Variants in RYR1 observed in about 807,000 individuals in gnomAD.
The protein encoded by RYR1 is ryanodine receptor 1.
A neutral mutation model predicts 583.5 loss-of-function variants in RYR1; 342 were observed. That is an observed-to-expected ratio of 0.59 (90% confidence interval 0.54 to 0.64). RYR1 has a LOEUF of 0.64. Ranked by LOEUF, RYR1 falls within the 30% of genes least tolerant of loss-of-function variation. The pLI, the probability that RYR1 is intolerant of heterozygous loss-of-function variation, is 0.00. For synonymous variants in RYR1, 2,791 were observed against 2,822.5 expected (o/e 0.99, Z 0.35); for missense variants, 6,032 against 6,917.2 (o/e 0.87, Z 4.54).
Position 38,535,996 on chromosome 19 carries a change from G to A in RYR1, c.11517-1G>A. The A allele has an allele frequency of 6.2e-7, 1 of 1,613,614 alleles. No homozygotes were observed. The highest frequency in any genetic ancestry group is 8.5e-7 in the Non-Finnish European group (1 of 1,179,894). ...CCCTATCTTTCCTTTCTTTTCCTCA[G>A]CGTCCTGGATCTCAATGCCTTTGAG... On this transcript the variant is annotated splice_acceptor_variant, in intron 81 of 105. Coordinates refer to ENST00000359596, the MANE Select transcript of RYR1 (RefSeq NM_000540.3). LOFTEE classifies it high-confidence loss of function.
chr19:38,474,324 G>T (rs948374454), intron 28 of RYR1, among the ~76,000 whole-genome samples: 1 of 151,204 alleles, frequency 6.6e-6, no homozygotes, highest in Non-Finnish European at 1.5e-5. Context: ...ATGCAATGGC[G>T]CAATCTCAGC....
At chr19:38,463,141 G>GCCCCCCCCC (rs34883994) in intron 20 of RYR1, among the ~76,000 whole-genome samples, 1 of 32,954 alleles carries the variant, frequency 3.0e-5, no homozygotes, top group Non-Finnish European at 4.7e-5. Context: ...CAGGCGATCT[G>GCCCCCCCCC]CCCCCCCCCC....
At chr19:38,463,661 G>T (rs1967913821) in intron 21 of RYR1, 86 bp from the exon 22 acceptor site, 6 of 1,480,030 alleles carry the variant, frequency 4.1e-6, no homozygotes, top group African/African-American at 1.4e-5. Context: ...GCAGAACTAG[G>T]GTTGGAGGTC....
chr19:38,486,349 T>G, intron 34 of RYR1, 147 bp downstream of exon 34: 7 of 1,108,216 alleles, frequency 6.3e-6, no homozygotes, highest in Non-Finnish European at 7.9e-6. Flanking sequence ...TTCTTTTTAT[T>G]ATTATTATTT....
chr19:38,512,342 C>T lies in RYR1; in HGVS notation c.9331C>T (p.Arg3111Trp). 2 of 1,614,198 alleles carry T rather than the reference C, an allele frequency of 1.2e-6. No homozygotes were observed. The highest frequency in any genetic ancestry group is 1.7e-6 in the Non-Finnish European group (2 of 1,180,042). The change falls in exon 63 of 106, where the codon CGG (arginine) becomes TGG (tryptophan). Residue 3111 changes from arginine (R) to tryptophan (W), a missense_variant. Physicochemically the swap from Arg to Trp is moderately radical, Grantham distance 101 (BLOSUM62 -3). Transcript: ENST00000359596. The surrounding 1 kb of genome is among the most constrained non-coding windows in gnomAD (Gnocchi z 5.1). ...CATCGAGAAGATGGTGGAGAACCTG[C>T]GGCTGGGCAAGGTGTCGCAGGCGCG... ...EDIEKMVENL[R>W]LGKVSQARTQ...
At chr19:38,524,137 A>T (rs1971357043) in intron 70 of RYR1, among the ~76,000 whole-genome samples, 1 of 101,228 alleles carries the variant, frequency 9.9e-6, no homozygotes, top group Admixed American at 1.3e-4. Flanking sequence ...TGGCAATTTG[A>T]CTTCTTTTCT....
rs184574895 is a variant in RYR1, at chr19:38,440,662, G to C, written c.46-83G>C. The C allele has an allele frequency of 3.1e-4, 469 of 1,530,292 alleles. 5 individuals carry two copies. The East Asian group carries it at 0.011, about 35-fold the overall frequency. 94.8% of individuals were successfully genotyped at this position (1,530,292 alleles called of 1,614,324 possible). On this transcript the variant is annotated intron_variant, in intron 1 of 105. Transcript: ENST00000359596. Reference sequence around the variant, plus strand: ...TCACTGTCTTTTTCATAAGGACCAGGGTGGGAGGAGGGGCCTGTGGTCTGC... The same window carrying C: ...TCACTGTCTTTTTCATAAGGACCAGCGTGGGAGGAGGGGCCTGTGGTCTGC...
chr19:38,460,367 T>C lies in RYR1; in HGVS notation c.2361-8T>C. The C allele has an allele frequency of 2.5e-6, 4 of 1,613,850 alleles. No individual in the cohort carries two copies. The highest frequency in any genetic ancestry group is 3.4e-6 in the Non-Finnish European group (4 of 1,179,734). On this transcript the variant is annotated splice_polypyrimidine_tract_variant and splice_region_variant and intron_variant, in intron 19 of 105. Coordinates refer to ENST00000359596, the MANE Select transcript of RYR1 (RefSeq NM_000540.3). ...CCTCAATGATCCCCATTGTCCTTCC[T>C]TACCCAGGGTGCGGTTCCTCCTTGG...
At position 38,566,952 on chromosome 19, in the gene RYR1, CGAGCCGGAACCA is replaced by C. The variant is rs753591948; in HGVS notation, c.13484_13495del (p.Pro4495_Glu4498del). On this transcript the variant is annotated inframe_deletion, in exon 92 of 106. Coordinates refer to ENST00000359596, the MANE Select transcript of RYR1 (RefSeq NM_000540.3). The stretch of plus-strand genomic sequence containing the variant: ...AGGAGCTCCCGCCAGAGCCAGAGCC[CGAGCCGGAACCA>C]GAGCTGGAGCCGGAGAAAGCCGAGT... The C allele has an allele frequency of 6.2e-7, 1 of 1,605,510 alleles. No homozygotes were observed. Among genetic ancestry groups the C allele is most frequent in the African/African-American group, 1.3e-5 (1 of 74,796 alleles).
Position 38,506,861 on chromosome 19 carries a change from G to A in RYR1, c.8725G>A (p.Asp2909Asn), listed in dbSNP as rs372974107. Reference sequence around the variant, plus strand: ...GACCCACCCCCTGCTGGTCCCCTACGACACGCTCACGGCCAAGGAGAAGGC... The same window carrying A: ...GACCCACCCCCTGCTGGTCCCCTACAACACGCTCACGGCCAAGGAGAAGGC... ...GGTHPLLVPY[D>N]TLTAKEKARD... Residue 2909 changes from aspartate (D) to asparagine (N), a missense_variant, in exon 57 of 106, where the codon GAC becomes AAC. Coordinates refer to ENST00000359596, the MANE Select transcript of RYR1 (RefSeq NM_000540.3). 7.4e-6 allele frequency: 12 copies of A among 1,613,878 alleles called. No homozygotes were observed. The highest frequency in any genetic ancestry group is 2.2e-5 in the East Asian group (1 of 44,886).
rs754384994 is a variant in RYR1 at position 38,496,293 on chromosome 19, G to A, written c.6627G>A (p.Glu2209=). ...TGGGCATGCACGAGACGGTCATGGA[G>A]GTCATGGTCAACGTCCTCGGGGGCG... is the stretch of plus-strand genomic sequence containing the variant. The part of the protein sequence containing the change: ...RALGMHETVM[E]VMVNVLGGGE... The change falls in exon 40 of 106, where the codon GAG becomes GAA. Residue 2209 remains glutamate, a synonymous_variant. Coordinates refer to ENST00000359596, the MANE Select transcript of RYR1 (RefSeq NM_000540.3). This position sits in a 1 kb window ranked among gnomAD's most constrained non-coding sequence, Gnocchi z 4.8. The A allele has an allele frequency of 6.2e-7, 1 of 1,614,022 alleles. No individual in the cohort carries two copies. Among genetic ancestry groups the A allele is most frequent in the East Asian group, 2.2e-5 (1 of 44,880 alleles).
chr19:38,483,383 C>G lies in RYR1; in HGVS notation c.4801C>G (p.Pro1601Ala). ...PPRLEMQMLM[P>A]VSWSRMPNHF... ...GCGGCTGGAGATGCAGATGCTGATGCCAGTGTCCTGGAGCCGCATGCCCAA... is the reference window on the plus strand; with the variant it reads ...GCGGCTGGAGATGCAGATGCTGATGGCAGTGTCCTGGAGCCGCATGCCCAA... Residue 1601 changes from proline (P) to alanine (A), a missense_variant, in exon 33 of 106, where the codon CCA becomes GCA. Physicochemically the swap from Pro to Ala is conservative, Grantham distance 27. This residue lies in a region of RYR1 where 2,627 missense variants were observed against 2,961.3 expected (regional missense o/e 0.89). Coordinates refer to ENST00000359596, the MANE Select transcript of RYR1 (RefSeq NM_000540.3). This position sits in a 1 kb window ranked among gnomAD's most constrained non-coding sequence, Gnocchi z 6.3. 1.3e-6 allele frequency: 2 copies of G among 1,566,988 alleles called. No homozygotes were observed. Among genetic ancestry groups the G allele is most frequent in the Non-Finnish European group, 1.7e-6 (2 of 1,156,726 alleles).
intron 58 of RYR1, among the ~76,000 whole-genome samples, chr19:38,509,460 T>A (rs1250548022): frequency 2.7e-5 from 4 of 147,120 alleles, no homozygotes; most frequent in African/African-American, 7.4e-5. Flanking sequence ...ATTTTTTTTT[T>A]TTTTTTTTTT....
intron 96 of RYR1, 60 bp downstream of exon 96, chr19:38,573,367 T>A: frequency 6.3e-7 from 1 of 1,591,238 alleles, no homozygotes; most frequent in Non-Finnish European, 8.6e-7. Context: ...TTCCACCCAG[T>A]CCAGGCCTGG....
At chr19:38,435,623 C>T (rs531557258) in intron 1 of RYR1, among the ~76,000 whole-genome samples, 2 of 152,178 alleles carry the variant, frequency 1.3e-5, no homozygotes, top group South Asian at 4.1e-4. Flanking sequence ...GTAATCTTAG[C>T]TACTCGGGAG....
chr19:38,536,662 A>T (rs1450900160), intron 82 of RYR1, 88 bp from the exon 83 acceptor site: 2 of 1,459,466 alleles, frequency 1.4e-6, no homozygotes, highest in South Asian at 1.2e-5. Flanking sequence ...TCTGTCCCTG[A>T]CTGTCATTGT....
rs1165835267 is a variant in RYR1 at position 38,485,815 on chromosome 19, A to G, written c.5160A>G (p.Glu1720=). The change falls in exon 34 of 106, where the codon GAA becomes GAG. Residue 1720 remains glutamate (E), a synonymous_variant. Transcript: ENST00000359596. ...ACCTCCTCATCAGCATCCACCTCGA[A>G]AGTGCCTGCCGCAGCCGCCGCTCCA... ...YYDLLISIHL[E]SACRSRRSML... is the part of the protein sequence containing the mutation. The G allele has an allele frequency of 6.2e-7, 1 of 1,613,436 alleles. No individual in the cohort carries two copies. Among genetic ancestry groups the G allele is most frequent in the South Asian group, 1.1e-5 (1 of 91,088 alleles).
Position 38,499,747 on chromosome 19 carries a change from C to T in RYR1, c.7140C>T (p.Ile2380=), listed in dbSNP as rs573431795. Residue 2380 remains isoleucine, a synonymous_variant, in exon 44 of 106, where the codon ATC becomes ATT. Coordinates refer to ENST00000359596, the MANE Select transcript of RYR1 (RefSeq NM_000540.3). This position sits in a 1 kb window ranked among gnomAD's most constrained non-coding sequence, Gnocchi z 7.3. ...GTGGCTCAGGGCTGCTGGCTGCCATCGAAGAGGCCATCCGCATCTCCGAGG... is the reference window on the plus strand; with the variant it reads ...GTGGCTCAGGGCTGCTGGCTGCCATTGAAGAGGCCATCCGCATCTCCGAGG... ...GEGGSGLLAA[I]EEAIRISEDP... 4.4e-5 allele frequency: 70 copies of T among 1,601,698 alleles called. 1 individual carries two copies. The South Asian group carries it at 6.1e-4, about 14-fold the overall frequency.
At chr19:38,549,875 T>TTGTGTGTGTGG in intron 89 of RYR1, among the ~76,000 whole-genome samples, 1 of 122,254 alleles carries the variant, frequency 8.2e-6, no homozygotes, top group South Asian at 3.0e-4. Context: ...CCAGCTAAAT[T>TTGTGTGTGTGG]TGTGTGTGTG....
Sources: gnomAD v4.1 joint callset for allele counts (sites outside exome capture counted in the v4.1 genomes callset) on GRCh38, gnomAD v4.1.1 for gene constraint, gnomAD v4.1.1 regional missense constraint, Gnocchi (gnomAD v3.1) non-coding constraint, MANE v1.5 for transcripts, NCBI Gene and HGNC (gene_info 2026-07-23, HGNC 2026-07-21) for gene names.